Variants in COL19A1 observed in about 807,000 individuals in gnomAD.
COL19A1 encodes collagen alpha-1(XIX) chain.
A neutral mutation model predicts 190.2 loss-of-function variants in COL19A1; 159 were observed. The ratio of observed to expected loss-of-function variants is 0.84; its 90% CI spans 0.73 to 0.95. COL19A1 has a LOEUF of 0.95. Among genes scored for constraint, COL19A1 ranks in the 40% least tolerant of loss-of-function variants. The pLI, the probability that COL19A1 is intolerant of heterozygous loss-of-function variation, is 0.00. For missense variants in COL19A1, 1,418 were observed against 1,431.9 expected, an observed-to-expected ratio of 0.99 and a Z score of 0.16; for synonymous variants, 509 against 458.9, an observed-to-expected ratio of 1.11 and a Z score of -1.39.
At chr6:70,053,860 T>A (rs541360408) in intron 14 of COL19A1, among the ~76,000 whole-genome samples, 1 of 152,342 alleles carries the variant, frequency 6.6e-6, no homozygotes, top group Admixed American at 6.5e-5. Flanking sequence ...AAATTAGCCA[T>A]ATTGTTAATT....
Position 70,206,537 on chromosome 6 carries a change from C to A in COL19A1, c.3224-364C>A, listed in dbSNP as rs142665923. 2.6e-3 allele frequency among the ~76,000 whole-genome samples: 387 copies of A among 149,076 alleles called. 2 individuals carry two copies. Among genetic ancestry groups the A allele is most frequent in the African/African-American group, 8.9e-3 (360 of 40,254 alleles). ...ATTCCAGCTACTCAGGAGGCTGAGG[C>A]AGGAGGATCACTTGAACACAGGAGG... On this transcript the variant is annotated intron_variant, in intron 49 of 50. Coordinates refer to ENST00000620364, the MANE Select transcript of COL19A1 (RefSeq NM_001858.6).
At chr6:70,112,973 G>A (rs1784367585) in intron 16 of COL19A1, among the ~76,000 whole-genome samples, 1 of 152,222 alleles carries the variant, frequency 6.6e-6, no homozygotes, top group Non-Finnish European at 1.5e-5. Context: ...CAAAGTGGCA[G>A]ATGTGAAAAA....
At chr6:70,060,047 A>G (rs1406808368) in intron 14 of COL19A1, among the ~76,000 whole-genome samples, 10 of 152,198 alleles carry the variant, frequency 6.6e-5, no homozygotes, top group Non-Finnish European at 1.2e-4. Context: ...AAAAATTGGA[A>G]TAAGTTCCAC....
intron 4 of COL19A1, among the ~76,000 whole-genome samples, chr6:69,901,789 A>G (rs528580013): frequency 9.5e-4 from 145 of 152,324 alleles, no homozygotes; most frequent in Middle Eastern, 3.4e-3. Context: ...CTTCTTTCGG[A>G]TTTAAACCCC....
At chr6:69,893,432 C>T (rs977628020) in intron 2 of COL19A1, among the ~76,000 whole-genome samples, 6 of 152,198 alleles carry the variant, frequency 3.9e-5, no homozygotes, top group Non-Finnish European at 8.8e-5. Flanking sequence ...TAATGGTTTA[C>T]AGTAACTTAA....
At chr6:70,194,526 C>T (rs930497348) in intron 48 of COL19A1, among the ~76,000 whole-genome samples, 1 of 152,088 alleles carries the variant, frequency 6.6e-6, no homozygotes, top group Non-Finnish European at 1.5e-5. Context: ...AATTAAATTC[C>T]CAATTTGATT....
chr6:69,981,558 T>A (rs1268165335), intron 11 of COL19A1, among the ~76,000 whole-genome samples: 1 of 151,976 alleles, frequency 6.6e-6, no homozygotes, highest in Non-Finnish European at 1.5e-5. Context: ...ATAACAAAAG[T>A]CTGGCATCCA....
chr6:70,176,437 C>T, intron 41 of COL19A1, 83 bp from the exon 42 acceptor site: 1 of 1,428,116 alleles, frequency 7.0e-7, no homozygotes, highest in Non-Finnish European at 9.7e-7. Context: ...TTTACCAAAT[C>T]CAAATTATTA....
At chr6:70,067,096 T>C (rs1167363826) in intron 14 of COL19A1, among the ~76,000 whole-genome samples, 4 of 152,158 alleles carry the variant, frequency 2.6e-5, no homozygotes, top group African/African-American at 9.7e-5. Flanking sequence ...GAATTAGTGG[T>C]AAGTACTTGA....
At chr6:69,874,777 G>A (rs542396748) in intron 1 of COL19A1, among the ~76,000 whole-genome samples, 2 of 152,024 alleles carry the variant, frequency 1.3e-5, no homozygotes, top group Middle Eastern at 6.8e-3. Flanking sequence ...AAAGAAGTGT[G>A]CAAAGAGAAA....
At chr6:69,947,374 C>T (rs374884252) in intron 9 of COL19A1, among the ~76,000 whole-genome samples, 4 of 151,874 alleles carry the variant, frequency 2.6e-5, no homozygotes, top group East Asian at 1.9e-4. Context: ...AATTCACTCA[C>T]GAGAAGTTAC....
chr6:69,883,157 A>G (rs932039797), intron 2 of COL19A1, among the ~76,000 whole-genome samples: 1 of 152,216 alleles, frequency 6.6e-6, no homozygotes, highest in African/African-American at 2.4e-5. Context: ...CATGCTTGGC[A>G]TGTGGAAGAA....
Position 70,176,605 on chromosome 6 carries a change from G to A in COL19A1, c.2667+41G>A, listed in dbSNP as rs370072457. The stretch of plus-strand genomic sequence containing the variant: ...TTCACATCATTTTCACAGGTAAACG[G>A]TTCTATCTCCATGATACACCTGTGG... On this transcript the variant is annotated intron_variant, in intron 42 of 50. Transcript: ENST00000620364. The A allele has an allele frequency of 4.4e-6, 7 of 1,603,422 alleles. No homozygotes were observed. In the African/African-American group the frequency reaches 8.0e-5, roughly 18 times the overall value.
At chr6:69,985,710 A>C (rs557073921) in intron 11 of COL19A1, among the ~76,000 whole-genome samples, 1 of 152,258 alleles carries the variant, frequency 6.6e-6, no homozygotes, top group African/African-American at 2.4e-5. Flanking sequence ...TTATTTCAAA[A>C]CTTTGCTCAG....
chr6:70,074,254 T>A (rs1249939865), intron 15 of COL19A1, among the ~76,000 whole-genome samples: 2 of 152,066 alleles, frequency 1.3e-5, no homozygotes, highest in Admixed American at 6.5e-5. Flanking sequence ...ATCCCAGCAC[T>A]TTGGAAGGCC....
Position 70,023,700 on chromosome 6 carries a change from C to A in COL19A1, c.1080+20C>A. ...GAAAATGTAAGCCTAACTCTTTTTT[C>A]TGATACTCTGTTTACATTTTACCAC... On this transcript the variant is annotated intron_variant, in intron 12 of 50. Coordinates refer to ENST00000620364, the MANE Select transcript of COL19A1 (RefSeq NM_001858.6). 1 of 1,599,206 alleles carries A rather than the reference C, an allele frequency of 6.3e-7. No individual in the cohort carries two copies. Among genetic ancestry groups the A allele is most frequent in the Admixed American group, 1.7e-5 (1 of 57,378 alleles).
chr6:70,142,195 A>T (rs1262342535), intron 22 of COL19A1, 119 bp downstream of exon 22: 11 of 882,534 alleles, frequency 1.2e-5, no homozygotes, highest in Admixed American at 9.7e-5. Flanking sequence ...CCAAGACTTT[A>T]TCCTGTTTCC....
rs185364536 is a variant in COL19A1, at chr6:70,039,441, T to C, written c.1170+3502T>C. ...TTCCTGATTACTTCATTATAGAGGA[T>C]AGATGAACGTCCATCTCCACATTTA... is the stretch of plus-strand genomic sequence containing the variant. On this transcript the variant is annotated intron_variant, in intron 14 of 50. Coordinates refer to ENST00000620364, the MANE Select transcript of COL19A1 (RefSeq NM_001858.6). Among the ~76,000 whole-genome samples the C allele has an allele frequency of 2.2e-3, 332 of 152,322 alleles. 3 individuals carry two copies. The highest frequency in any genetic ancestry group is 5.6e-3 in the Admixed American group (86 of 15,294).
At chr6:69,888,997 C>G (rs903595551) in intron 2 of COL19A1, among the ~76,000 whole-genome samples, 1 of 152,086 alleles carries the variant, frequency 6.6e-6, no homozygotes, top group African/African-American at 2.4e-5. Context: ...AAACAAAGAG[C>G]CTTTATTTTT....
Sources: allele counts gnomAD v4.1 joint callset (sites outside exome capture counted in the v4.1 genomes callset), GRCh38; gene constraint gnomAD v4.1.1; transcripts MANE v1.5; gene names NCBI Gene and HGNC (gene_info 2026-07-23, HGNC 2026-07-21).